The following FAM167B variants were observed in gnomAD, a reference collection of about 807,000 sequenced individuals.
FAM167B encodes the protein protein FAM167B.
In FAM167B, 7 loss-of-function variants were observed where a neutral mutation model predicts 15.4. The observed-to-expected ratio is 0.46, with a 90% CI of 0.26 to 0.86. FAM167B has a LOEUF of 0.86. FAM167B is among the 40% of genes least tolerant of loss of function. The pLI is 0.17. For synonymous variants in FAM167B, 100 were observed against 94.6 expected (o/e 1.06, Z -0.33); for missense variants, 207 against 208.3 (o/e 0.99, Z 0.04).
Position 32,247,427 on chromosome 1 carries a change from C to T in FAM167B, c.6C>T (p.Ser2=), listed in dbSNP as rs1639421631. 5.2e-6 allele frequency: 8 copies of T among 1,550,592 alleles called. No individual in the cohort carries two copies. The highest frequency in any genetic ancestry group is 3.8e-5 in the Admixed American group (2 of 52,870). M[S]LGLLKFQAVG... is the part of the protein sequence containing the mutation. ...TCACTCACCTCAAACCTGCCATGTC[C>T]CTGGGGCTACTGAAATTCCAGGCAG... Residue 2 remains serine, a synonymous_variant, in exon 1 of 2, where the codon TCC becomes TCT. Transcript: ENST00000373582.
intron 1 of FAM167B, 138 bp downstream of exon 1, chr1:32,247,820 G>C: frequency 6.4e-6 from 5 of 779,096 alleles, no homozygotes; most frequent in Non-Finnish European, 9.4e-6. Context: ...CTGGGCTGAG[G>C]AGCCGGGAAT....
In FAM167B at chr1:32,247,595, C is replaced by G. The variant is rs1639425849; in HGVS notation, c.174C>G (p.Ala58=). ...TCCAGAGCCAGGCCTGGCGCAGGGC[C>G]CAAGCCAAACCTGGACCAGGGGGAC... ...AQVQSQAWRR[A]QAKPGPGGPG... The change falls in exon 1 of 2, where the codon GCC becomes GCG. Residue 58 remains alanine (A), a synonymous_variant. Transcript: ENST00000373582. 1 of 1,558,362 alleles carries G rather than the reference C, an allele frequency of 6.4e-7. No individual in the cohort carries two copies. Among genetic ancestry groups the G allele is most frequent in the Non-Finnish European group, 8.7e-7 (1 of 1,150,406 alleles).
rs762790238 is a variant in FAM167B at position 32,247,383 on chromosome 1, G to C, written c.-39G>C. ...TACTGCCAGCCTTTCCCTAATCTCA[G>C]AGCTGCAGCCCTGCCCTGTCACTCA... On this transcript the variant is annotated 5_prime_UTR_variant, in exon 1 of 2. Transcript: ENST00000373582. 1 of 1,468,100 alleles carries C rather than the reference G, an allele frequency of 6.8e-7. No individual in the cohort carries two copies. The highest frequency in any genetic ancestry group is 9.0e-7 in the Non-Finnish European group (1 of 1,106,502). The allele number at this position is 1,468,100 out of a possible 1,614,324, so 90.9% of individuals were successfully genotyped here.
chr1:32,248,423 G>C lies in FAM167B; in HGVS notation c.314G>C (p.Arg105Pro), dbSNP rs758208077. Residue 105 changes from arginine (R) to proline (P), a missense_variant, in exon 2 of 2, where the codon CGG becomes CCG. Arg to Pro is a moderately radical substitution (Grantham distance 103, BLOSUM62 -2). Coordinates refer to ENST00000373582, the MANE Select transcript of FAM167B (RefSeq NM_032648.3). ...CTGGCAGGGCAGCTGCTGCGGCTGCGGGCCCAGCTGCACCGACTGAAGATG... is the reference window on the plus strand; with the variant it reads ...CTGGCAGGGCAGCTGCTGCGGCTGCCGGCCCAGCTGCACCGACTGAAGATG... ...RQLAGQLLRL[R>P]AQLHRLKMDQ... 33 of 1,601,398 alleles carry C rather than the reference G, an allele frequency of 2.1e-5. No homozygotes were observed. Among genetic ancestry groups the C allele is most frequent in the African/African-American group, 2.7e-5 (2 of 74,790 alleles).
Position 32,248,490 on chromosome 1 carries a change from CGAGCTG to C in FAM167B, c.398_403del (p.Leu133_Glu134del), listed in dbSNP as rs762191458. 29 of 1,595,786 alleles carry C rather than the reference CGAGCTG, an allele frequency of 1.8e-5. No individual in the cohort carries two copies. The highest frequency in any genetic ancestry group is 4.5e-5 in the East Asian group (2 of 44,266). On this transcript the variant is annotated inframe_deletion, in exon 2 of 2. Transcript: ENST00000373582. ...TGCACCAGGAGCTGCTGGATGAGGC[CGAGCTG>C]GAGCTGGAGCTGGAGCCCGGGGCCG... is the stretch of plus-strand genomic sequence containing the variant.
At chr1:32,248,133 T>C (rs982115598) in intron 1 of FAM167B, among the ~76,000 whole-genome samples, 1 of 152,214 alleles carries the variant, frequency 6.6e-6, no homozygotes, top group Non-Finnish European at 1.5e-5. Flanking sequence ...AACACAGAGA[T>C]TCTGCTTAGT....
chr1:32,247,279 C>A lies in FAM167B; in HGVS notation c.-143C>A. On this transcript the variant is annotated 5_prime_UTR_variant, in exon 1 of 2. Transcript: ENST00000373582. ...ACCCTGGCACATTCAGCCCCCCTAA[C>A]CCACCTTGAACATTGACCACCACAC... 1 of 1,159,822 alleles carries A rather than the reference C, an allele frequency of 8.6e-7. No individual in the cohort carries two copies. Among genetic ancestry groups the A allele is most frequent in the Non-Finnish European group, 1.2e-6 (1 of 858,696 alleles). The allele number at this position is 1,159,822 out of a possible 1,614,324, so 71.8% of individuals were successfully genotyped here.
Position 32,247,615 on chromosome 1 carries a change from G to T in FAM167B, c.194G>T (p.Gly65Val), listed in dbSNP as rs770780192. 1.3e-6 allele frequency: 2 copies of T among 1,524,410 alleles called. No homozygotes were observed. The highest frequency in any genetic ancestry group is 1.8e-6 in the Non-Finnish European group (2 of 1,133,734). The allele number at this position is 1,524,410 out of a possible 1,614,324, so 94.4% of individuals were successfully genotyped here. A position where few individuals can be genotyped will look rare whatever the true frequency, so the allele number is the denominator to read the frequency against. ...AGGGCCCAAGCCAAACCTGGACCAG[G>T]GGGACCTGGGGACATCTGTGGTTTC... ...WRRAQAKPGPGGPGDICGFDS... is the reference protein window; with the variant it reads ...WRRAQAKPGPVGPGDICGFDS... The change falls in exon 1 of 2, where the codon GGG becomes GTG. Residue 65 changes from glycine to valine, a missense_variant. Coordinates refer to ENST00000373582, the MANE Select transcript of FAM167B (RefSeq NM_032648.3).
chr1:32,247,271 C>G lies in FAM167B; in HGVS notation c.-151C>G, dbSNP rs573757893. 22 of 1,040,586 alleles carry G rather than the reference C, an allele frequency of 2.1e-5. No individual in the cohort carries two copies. The Admixed American group carries it at 6.0e-4, about 28-fold the overall frequency. The allele number at this position is 1,040,586 out of a possible 1,614,324, so 64.5% of individuals were successfully genotyped here. A position where few individuals can be genotyped will look rare whatever the true frequency, so the allele number is the denominator to read the frequency against. On this transcript the variant is annotated 5_prime_UTR_variant, in exon 1 of 2. Coordinates refer to ENST00000373582, the MANE Select transcript of FAM167B (RefSeq NM_032648.3). ...GCTCACTCACCCTGGCACATTCAGC[C>G]CCCCTAACCCACCTTGAACATTGAC...
At chr1:32,248,223 C>G in intron 1 of FAM167B, 148 bp from the exon 2 acceptor site, 1 of 669,516 alleles carries the variant, frequency 1.5e-6, no homozygotes. Context: ...CAGGTGAAGC[C>G]AGATTGGGAG....
At position 32,248,438 on chromosome 1, in the gene FAM167B, G is replaced by C. The variant is rs768536669; in HGVS notation, c.329G>C (p.Arg110Pro). The C allele has an allele frequency of 3.1e-6, 5 of 1,605,050 alleles. No homozygotes were observed. In the South Asian group the frequency reaches 4.5e-5, roughly 14 times the overall value. ...CTGCGGCTGCGGGCCCAGCTGCACC[G>C]ACTGAAGATGGACCAAGCCTGTCAC... ...QLLRLRAQLH[R>P]LKMDQACHLH... Residue 110 changes from arginine (R) to proline (P), a missense_variant, in exon 2 of 2, where the codon CGA becomes CCA. Physicochemically the swap from Arg to Pro is moderately radical, Grantham distance 103. Coordinates refer to ENST00000373582, the MANE Select transcript of FAM167B (RefSeq NM_032648.3).
Position 32,247,363 on chromosome 1 carries a change from C to A in FAM167B, c.-59C>A. On this transcript the variant is annotated 5_prime_UTR_variant, in exon 1 of 2. Transcript: ENST00000373582. ...TGCCACCTCTCCCTGGGCAATACTG[C>A]CAGCCTTTCCCTAATCTCAGAGCTG... 6.8e-7 allele frequency: 1 copy of A among 1,462,782 alleles called. No homozygotes were observed. The highest frequency in any genetic ancestry group is 2.6e-5 in the East Asian group (1 of 38,956). 90.6% of individuals were successfully genotyped at this position (1,462,782 alleles called of 1,614,324 possible).
At position 32,247,250 on chromosome 1, in the gene FAM167B, A is replaced by G; in HGVS notation, c.-172A>G. On this transcript the variant is annotated 5_prime_UTR_variant, in exon 1 of 2. Transcript: ENST00000373582. ...CTTGGCCTCACACACCCATCTGCTC[A>G]CTCACCCTGGCACATTCAGCCCCCC... 1.3e-6 allele frequency: 1 copy of G among 759,602 alleles called. No individual in the cohort carries two copies. The highest frequency in any genetic ancestry group is 1.9e-6 in the Non-Finnish European group (1 of 520,044). The allele number at this position is 759,602 out of a possible 1,614,324, so 47.1% of individuals were successfully genotyped here. A position where few individuals can be genotyped will look rare whatever the true frequency, so the allele number is the denominator to read the frequency against.
In FAM167B at chr1:32,248,687, C is replaced by T. The variant is rs1639441617; in HGVS notation, c.*86C>T. 3.5e-6 allele frequency: 4 copies of T among 1,151,624 alleles called. No homozygotes were observed. Among genetic ancestry groups the T allele is most frequent in the Non-Finnish European group, 4.8e-6 (4 of 837,696 alleles). 71.3% of individuals were successfully genotyped at this position (1,151,624 alleles called of 1,614,324 possible). A position where few individuals can be genotyped will look rare whatever the true frequency, so the allele number is the denominator to read the frequency against. ...TGGGAAGAGGAAAGGGAGGGGTGCC[C>T]CAGAGGCACCAGCTCCTGGCGGGGG... On this transcript the variant is annotated 3_prime_UTR_variant, in exon 2 of 2. Coordinates refer to ENST00000373582, the MANE Select transcript of FAM167B (RefSeq NM_032648.3).
intron 1 of FAM167B, 110 bp from the exon 2 acceptor site, chr1:32,248,261 G>A (rs1037023994): frequency 2.3e-6 from 2 of 866,164 alleles, no homozygotes; most frequent in East Asian, 5.4e-5. Flanking sequence ...TGAGGTGAGA[G>A]GGGGCTGGGG....
Position 32,248,583 on chromosome 1 carries a change from G to A in FAM167B, c.474G>A (p.Arg158=). 1 of 1,542,306 alleles carries A rather than the reference G, an allele frequency of 6.5e-7. No homozygotes were observed. Among genetic ancestry groups the A allele is most frequent in the South Asian group, 1.2e-5 (1 of 83,946 alleles). ...TCACGCGCATGAACATCAGCGCCCG[G>A]CGCTTCACCCTCTGCTGAGGAACAC... ...LGLTRMNISA[R]RFTLC is the part of the protein sequence containing the mutation. Residue 158 remains arginine (R), a synonymous_variant, in exon 2 of 2, where the codon CGG becomes CGA. Coordinates refer to ENST00000373582, the MANE Select transcript of FAM167B (RefSeq NM_032648.3).
intron 1 of FAM167B, 126 bp downstream of exon 1, chr1:32,247,808 T>C: frequency 1.1e-6 from 1 of 913,426 alleles, no homozygotes; most frequent in Non-Finnish European, 1.6e-6. Context: ...CGCTCCGGTG[T>C]CCTGGGCTGA....
chr1:32,248,733 T>A lies in FAM167B; in HGVS notation c.*132T>A. On this transcript the variant is annotated 3_prime_UTR_variant, in exon 2 of 2. Coordinates refer to ENST00000373582, the MANE Select transcript of FAM167B (RefSeq NM_032648.3). Reference sequence around the variant, plus strand: ...GGGGGAGGAGGAACATTCAGGTTTCTGAGAGCTGAATTCCAAGAGTGCAAA... The same window carrying A: ...GGGGGAGGAGGAACATTCAGGTTTCAGAGAGCTGAATTCCAAGAGTGCAAA... 1 of 816,062 alleles carries A rather than the reference T, an allele frequency of 1.2e-6. No homozygotes were observed. The highest frequency in any genetic ancestry group is 1.9e-6 in the Non-Finnish European group (1 of 534,560). The allele number at this position is 816,062 out of a possible 1,614,324, so 50.6% of individuals were successfully genotyped here. A position where few individuals can be genotyped will look rare whatever the true frequency, so the allele number is the denominator to read the frequency against.
At position 32,248,427 on chromosome 1, in the gene FAM167B, C is replaced by T. The variant is rs1339526389; in HGVS notation, c.318C>T (p.Ala106=). The T allele has an allele frequency of 6.2e-7, 1 of 1,602,804 alleles. No individual in the cohort carries two copies. The highest frequency in any genetic ancestry group is 8.5e-7 in the Non-Finnish European group (1 of 1,177,666). Residue 106 remains alanine, a synonymous_variant, in exon 2 of 2, where the codon GCC becomes GCT. Transcript: ENST00000373582. ...QLAGQLLRLR[A]QLHRLKMDQA... is the part of the protein sequence containing the mutation. ...CAGGGCAGCTGCTGCGGCTGCGGGC[C>T]CAGCTGCACCGACTGAAGATGGACC...
Sources: allele counts gnomAD v4.1 joint callset (sites outside exome capture counted in the v4.1 genomes callset), GRCh38; gene constraint gnomAD v4.1.1; transcripts MANE v1.5; gene names NCBI Gene and HGNC (gene_info 2026-07-23, HGNC 2026-07-21).